HDAC9: variants seen among roughly 807,000 people sequenced by gnomAD.
HDAC9 encodes MEF-2 interacting transcription repressor (MITR) protein.
A neutral mutation model predicts 139.4 loss-of-function variants in HDAC9; 41 were observed. The observed-to-expected ratio is 0.29, with a 90% CI of 0.23 to 0.38. HDAC9 has a LOEUF of 0.38. Ranked by LOEUF, HDAC9 falls within the 10% of genes least tolerant of loss-of-function variation. The pLI, the probability that HDAC9 is intolerant of heterozygous loss-of-function variation, is 1.00. For missense variants in HDAC9, 1,147 were observed against 1,297.0 expected (o/e 0.88, Z 1.78); for synonymous variants, 517 against 476.2 (o/e 1.09, Z -1.12).
In HDAC9 at chr7:18,767,199, C is replaced by CAA. The variant is rs56084250; in HGVS notation, c.2214+52_2214+53dup. On this transcript the variant is annotated intron_variant, in intron 16 of 25. Transcript: ENST00000686413. The stretch of plus-strand genomic sequence containing the variant: ...ACTGCCTTTAAATAACATAAAATTA[C>CAA]AAAAAAAAATCTTTTTTGATTTATC... The CAA allele has an allele frequency of 2.2e-4, 248 of 1,117,564 alleles. 3 individuals are homozygous for CAA. The highest frequency in any genetic ancestry group is 1.5e-3 in the African/African-American group (91 of 59,306). 69.2% of individuals were successfully genotyped at this position (1,117,564 alleles called of 1,614,324 possible).
chr7:18,192,273 T>G (rs1027092319), intron 2 of HDAC9, among the ~76,000 whole-genome samples: 2 of 152,214 alleles, frequency 1.3e-5, no homozygotes, highest in Non-Finnish European at 2.9e-5. Flanking sequence ...TGTCTTTCAT[T>G]TAATTAAAAT....
intron 4 of HDAC9, 123 bp from the exon 5 acceptor site, chr7:18,591,393 G>A (rs1583793050): frequency 1.5e-6 from 2 of 1,320,182 alleles, no homozygotes; most frequent in Admixed American, 3.1e-5. Flanking sequence ...TGTGACCAGC[G>A]ATTTTACTTC....
intron 22 of HDAC9, among the ~76,000 whole-genome samples, chr7:18,907,599 G>A (rs922096631): frequency 6.6e-6 from 1 of 152,194 alleles, no homozygotes; most frequent in African/African-American, 2.4e-5. Context: ...TCTGGGAAGG[G>A]CCACAGGGCT....
chr7:18,593,737 T>C (rs1344749253), intron 5 of HDAC9, among the ~76,000 whole-genome samples, 171 bp from the exon 6 acceptor site: 3 of 152,144 alleles, frequency 2.0e-5, no homozygotes, highest in Non-Finnish European at 4.4e-5. Context: ...CATCATTCCA[T>C]AGCATACTGC....
At chr7:18,956,897 T>G (rs1395017965) in intron 24 of HDAC9, among the ~76,000 whole-genome samples, 1 of 152,162 alleles carries the variant, frequency 6.6e-6, no homozygotes, top group Non-Finnish European at 1.5e-5. Flanking sequence ...GGCCCCATCC[T>G]TAGTGTAAGG....
intron 12 of HDAC9, among the ~76,000 whole-genome samples, chr7:18,719,051 T>A (rs534055688): frequency 6.6e-6 from 1 of 152,222 alleles, no homozygotes; most frequent in African/African-American, 2.4e-5. Context: ...CAAGCCTATC[T>A]TTTTTAGACA....
chr7:18,203,834 T>A (rs1791304442), intron 2 of HDAC9, among the ~76,000 whole-genome samples: 1 of 152,226 alleles, frequency 6.6e-6, no homozygotes, highest in South Asian at 2.1e-4. Context: ...CCTGTGATTG[T>A]GGCAGAACAA....
At chr7:18,990,000 T>C (rs1380341699) in intron 25 of HDAC9, among the ~76,000 whole-genome samples, 1 of 152,046 alleles carries the variant, frequency 6.6e-6, no homozygotes, top group Non-Finnish European at 1.5e-5. Flanking sequence ...TTCGTTTGAA[T>C]GTCCTCCCGT....
chr7:18,954,395 T>C, intron 24 of HDAC9, 165 bp downstream of exon 24: 2 of 558,692 alleles, frequency 3.6e-6, no homozygotes, highest in South Asian at 5.3e-5. Flanking sequence ...AATCTTATCT[T>C]ACACTGATGA....
chr7:18,168,306 G>A (rs1788140958), intron 2 of HDAC9, among the ~76,000 whole-genome samples: 2 of 152,134 alleles, frequency 1.3e-5, no homozygotes, highest in African/African-American at 4.8e-5. Flanking sequence ...CACCTCTGTA[G>A]TTTTAAGTAT....
chr7:18,111,938 C>T (rs990944799), intron 1 of HDAC9, among the ~76,000 whole-genome samples: 12 of 152,122 alleles, frequency 7.9e-5, no homozygotes, highest in African/African-American at 2.9e-4. Context: ...CTAGATCTAG[C>T]TTATGCTGCC....
chr7:18,697,384 G>A (rs1357426840), intron 12 of HDAC9, among the ~76,000 whole-genome samples: 1 of 152,116 alleles, frequency 6.6e-6, no homozygotes, highest in Non-Finnish European at 1.5e-5. Context: ...AAAAACAGGT[G>A]AAACATCACC....
intron 14 of HDAC9, among the ~76,000 whole-genome samples, chr7:18,758,113 T>C (rs926634247): frequency 6.6e-6 from 1 of 152,160 alleles, no homozygotes; most frequent in Non-Finnish European, 1.5e-5. Context: ...AATTTCTTTA[T>C]TAAGAAGGTG....
chr7:18,357,696 A>G (rs1240650813), intron 1 of HDAC9, among the ~76,000 whole-genome samples: 1 of 152,144 alleles, frequency 6.6e-6, no homozygotes, highest in East Asian at 1.9e-4. Flanking sequence ...AGGTGGCCCT[A>G]CCACATAAAG....
intron 12 of HDAC9, among the ~76,000 whole-genome samples, chr7:18,671,331 G>C (rs1399087619): frequency 2.6e-5 from 4 of 151,932 alleles, no homozygotes; most frequent in African/African-American, 9.7e-5. Flanking sequence ...CACCCCTAGA[G>C]GTTCTGAGTC....
At chr7:18,918,629 C>G (rs905116389) in intron 22 of HDAC9, among the ~76,000 whole-genome samples, 9 of 151,998 alleles carry the variant, frequency 5.9e-5, no homozygotes, top group African/African-American at 2.2e-4. Flanking sequence ...CTCTCCTCCA[C>G]TAAAAGATTA....
At chr7:18,969,140 C>G (rs1451759233) in intron 24 of HDAC9, among the ~76,000 whole-genome samples, 1 of 151,910 alleles carries the variant, frequency 6.6e-6, no homozygotes, top group Non-Finnish European at 1.5e-5. Context: ...GAATAATTTT[C>G]TTTACATATA....
At chr7:18,474,420 A>G (rs920555298) in intron 1 of HDAC9, among the ~76,000 whole-genome samples, 1 of 152,238 alleles carries the variant, frequency 6.6e-6, no homozygotes, top group Non-Finnish European at 1.5e-5. Context: ...TCTAGCCACA[A>G]TAATCACTAG....
intron 13 of HDAC9, 34 bp from the exon 14 acceptor site, chr7:18,748,971 C>G: frequency 6.2e-7 from 1 of 1,602,276 alleles, no homozygotes; most frequent in South Asian, 1.1e-5. Context: ...TGTACTGTTA[C>G]TCAATCTTGT....
Sources: gnomAD v4.1 joint callset for allele counts (sites outside exome capture counted in the v4.1 genomes callset) on GRCh38, gnomAD v4.1.1 for gene constraint, MANE v1.5 for transcripts, NCBI Gene and HGNC (gene_info 2026-07-23, HGNC 2026-07-21) for gene names.